The following CELSR1 variants were observed in gnomAD, a reference collection of about 807,000 sequenced individuals.
CELSR1 encodes the protein cadherin EGF LAG seven-pass G-type receptor 1.
In CELSR1, 110 loss-of-function variants were observed where a neutral mutation model predicts 249.1. That is an observed-to-expected ratio of 0.44 (90% CI 0.38 to 0.52). CELSR1 has a LOEUF of 0.52. Among genes scored for constraint, CELSR1 ranks in the 20% least tolerant of loss-of-function variants. The probability of loss-of-function intolerance (pLI) is 0.00; values close to 1 mark genes in which losing one functional copy is unlikely to be tolerated. For missense variants in CELSR1, 4,109 were observed against 4,296.4 expected (o/e 0.96, Z 1.22); for synonymous variants, 2,113 against 1,900.0 (o/e 1.11, Z -2.92).
chr22:46,445,987 C>T lies in CELSR1; in HGVS notation c.4184-6576G>A, dbSNP rs1255121799. Among the ~76,000 whole-genome samples, 3 of 152,206 alleles carry T rather than the reference C, an allele frequency of 2.0e-5. No homozygotes were observed. Among genetic ancestry groups the T allele is most frequent in the Admixed American group, 2.0e-4 (3 of 15,288 alleles). ...TGCTCCTGCCGCACAGCCTCCAGACCTACTTGTCCCTTGCCTCGCGACAGC... is the reference window on the plus strand; with the variant it reads ...TGCTCCTGCCGCACAGCCTCCAGACTTACTTGTCCCTTGCCTCGCGACAGC... On this transcript the variant is annotated intron_variant, in intron 2 of 34. Transcript: ENST00000674500. This position sits in a 1 kb window ranked among gnomAD's most constrained non-coding sequence, Gnocchi z 4.4.
chr22:46,381,733 G>A lies in CELSR1; in HGVS notation c.7088+113C>T. On this transcript the variant is annotated intron_variant, in intron 21 of 34. Transcript: ENST00000674500. The surrounding 1 kb of genome is among the most constrained non-coding windows in gnomAD (Gnocchi z 6.0). Reference sequence around the variant, plus strand: ...TCTCTGTCTCTGGGCCAGGGTCACGGTGAAATGTCACTGTGAAGACCTGTG... The same window carrying A: ...TCTCTGTCTCTGGGCCAGGGTCACGATGAAATGTCACTGTGAAGACCTGTG... 2.0e-6 allele frequency: 2 copies of A among 1,017,242 alleles called. No homozygotes were observed. The highest frequency in any genetic ancestry group is 2.8e-6 in the Non-Finnish European group (2 of 708,486). 63.0% of individuals were successfully genotyped at this position (1,017,242 alleles called of 1,614,324 possible).
At chr22:46,509,108 G>A (rs940276941) in intron 1 of CELSR1, among the ~76,000 whole-genome samples, 2 of 152,206 alleles carry the variant, frequency 1.3e-5, no homozygotes, top group Non-Finnish European at 2.9e-5. Flanking sequence ...CCCCTCCAGT[G>A]CCCAGGGCCT....
intron 1 of CELSR1, among the ~76,000 whole-genome samples, chr22:46,493,415 G>C (rs2080386030): frequency 6.6e-6 from 1 of 150,898 alleles, no homozygotes; most frequent in Admixed American, 6.6e-5. Flanking sequence ...GTGTGGTGGT[G>C]GGCACCTGTA....
rs1480352758 is a variant in CELSR1 at position 46,399,537 on chromosome 22, G to C, written c.5412+180C>G. 6.6e-6 allele frequency among the ~76,000 whole-genome samples: 1 copy of C among 152,228 alleles called. No individual in the cohort carries two copies. The highest frequency in any genetic ancestry group is 6.5e-5 in the Admixed American group (1 of 15,276). On this transcript the variant is annotated intron_variant, in intron 10 of 34. Coordinates refer to ENST00000674500, the MANE Select transcript of CELSR1 (RefSeq NM_001378328.1). This position sits in a 1 kb window ranked among gnomAD's most constrained non-coding sequence, Gnocchi z 5.0. The stretch of plus-strand genomic sequence containing the variant: ...GGCGGGGCATCCGGATGAAGGAGGT[G>C]AGGAAGATGCCAGTGACCTCAGTAC...
At position 46,534,123 on chromosome 22, in the gene CELSR1, C is replaced by A. The variant is rs199661410; in HGVS notation, c.3048G>T (p.Ser1016=). 1 of 1,613,806 alleles carries A rather than the reference C, an allele frequency of 6.2e-7. No individual in the cohort carries two copies. The highest frequency in any genetic ancestry group is 2.2e-5 in the East Asian group (1 of 44,890). The change falls in exon 1 of 35, where the codon TCG becomes TCT. Residue 1016 remains serine (S), a synonymous_variant. Transcript: ENST00000674500. This position sits in a 1 kb window ranked among gnomAD's most constrained non-coding sequence, Gnocchi z 9.7. ...LFVEENNPVG[S]VVAKIRANDP... Reference sequence around the variant, plus strand: ...CGTTAGCACGAATCTTTGCCACCACCGACCCCACTGGGTTGTTCTCCTCAA... The same window carrying A: ...CGTTAGCACGAATCTTTGCCACCACAGACCCCACTGGGTTGTTCTCCTCAA...
In CELSR1 at chr22:46,398,297, G is replaced by A. The variant is rs757652145; in HGVS notation, c.5526+227C>T. 6.6e-6 allele frequency among the ~76,000 whole-genome samples: 1 copy of A among 152,164 alleles called. No homozygotes were observed. The highest frequency in any genetic ancestry group is 2.4e-5 in the African/African-American group (1 of 41,420). On this transcript the variant is annotated intron_variant, in intron 11 of 34. Transcript: ENST00000674500. This position sits in a 1 kb window ranked among gnomAD's most constrained non-coding sequence, Gnocchi z 7.2. ...CAGAGGGGCAGGTGGCTGGCATGGC[G>A]GTGGGGAGCTGTGGGGGCCAGGGAC...
chr22:46,504,686 C>T lies in CELSR1; in HGVS notation c.3544+28941G>A, dbSNP rs2080498177. On this transcript the variant is annotated intron_variant, in intron 1 of 34. Transcript: ENST00000674500. ...GAAAATATGGCAGATTTCATCTTCA[C>T]ACACGGCTGGCTCTAGTATTAATTA... is the stretch of plus-strand genomic sequence containing the variant. 5.9e-5 allele frequency among the ~76,000 whole-genome samples: 9 copies of T among 152,270 alleles called. No homozygotes were observed. The South Asian group carries it at 1.9e-3, about 32-fold the overall frequency.
chr22:46,417,117 C>CTTT lies in CELSR1; in HGVS notation c.4612-5359_4612-5358insAAA, dbSNP rs1354181328. On this transcript the variant is annotated intron_variant, in intron 5 of 34. Transcript: ENST00000674500. The surrounding 1 kb of genome is among the most constrained non-coding windows in gnomAD (Gnocchi z 4.1). ...TACAGAGTCAAACTGCAGCGCTGAA[C>CTTT]GTTCCATGCTGTCATTTCTCAAGAT... is the stretch of plus-strand genomic sequence containing the variant. Among the ~76,000 whole-genome samples, 33 of 152,320 alleles carry CTTT rather than the reference C, an allele frequency of 2.2e-4. No homozygotes were observed. In the East Asian group the frequency reaches 6.4e-3, roughly 29 times the overall value.
At chr22:46,458,085 T>C (rs141888489) in intron 2 of CELSR1, among the ~76,000 whole-genome samples, 3 of 150,306 alleles carry the variant, frequency 2.0e-5, no homozygotes, top group African/African-American at 7.3e-5. Context: ...AACACCACCA[T>C]GGGGGTGAGG....
intron 2 of CELSR1, among the ~76,000 whole-genome samples, chr22:46,444,861 A>G (rs1444218714): frequency 2.6e-5 from 4 of 151,944 alleles, no homozygotes; most frequent in African/African-American, 9.7e-5. Context: ...CATCTCTCCA[A>G]TCTCTGCTCT....
rs755589569 is a variant in CELSR1 at position 46,534,005 on chromosome 22, G to A, written c.3166C>T (p.Leu1056=). The A allele has an allele frequency of 8.1e-6, 13 of 1,613,672 alleles. No individual in the cohort carries two copies. The highest frequency in any genetic ancestry group is 1.1e-5 in the Non-Finnish European group (13 of 1,180,026). ...FFQLDLLNGD[L]RAMVELDFEV... is the part of the protein sequence containing the mutation. ...AAGTCCAGCTCCACCATGGCACGCAGGTCCCCGTTGAGCAGGTCCAGCTGG... is the reference window on the plus strand; with the variant it reads ...AAGTCCAGCTCCACCATGGCACGCAAGTCCCCGTTGAGCAGGTCCAGCTGG... Residue 1056 remains leucine (L), a synonymous_variant, in exon 1 of 35, where the codon CTG becomes TTG. Transcript: ENST00000674500. This position sits in a 1 kb window ranked among gnomAD's most constrained non-coding sequence, Gnocchi z 9.7.
rs1164404879 is a variant in CELSR1 at position 46,440,183 on chromosome 22, A to C, written c.4184-772T>G. Among the ~76,000 whole-genome samples the C allele has an allele frequency of 6.6e-6, 1 of 151,768 alleles. No individual in the cohort carries two copies. Among genetic ancestry groups the C allele is most frequent in the African/African-American group, 2.4e-5 (1 of 41,294 alleles). On this transcript the variant is annotated intron_variant, in intron 2 of 34. Coordinates refer to ENST00000674500, the MANE Select transcript of CELSR1 (RefSeq NM_001378328.1). The surrounding 1 kb of genome is among the most constrained non-coding windows in gnomAD (Gnocchi z 4.7). ...TCAGACCAGGAGTGCTAAGAACCTC[A>C]TCTGCTCGGAGGGTCTCAGTGTTCG...
chr22:46,461,870 T>C (rs754231906), intron 2 of CELSR1, among the ~76,000 whole-genome samples: 55 of 152,226 alleles, frequency 3.6e-4, no homozygotes, highest in Non-Finnish European at 7.1e-4. Flanking sequence ...GAAGGGGCGC[T>C]GACCGTGCTG....
chr22:46,381,033 A>C lies in CELSR1; in HGVS notation c.7089-78T>G, dbSNP rs1456815268. On this transcript the variant is annotated intron_variant, in intron 21 of 34. Coordinates refer to ENST00000674500, the MANE Select transcript of CELSR1 (RefSeq NM_001378328.1). This position sits in a 1 kb window ranked among gnomAD's most constrained non-coding sequence, Gnocchi z 6.0. ...TTAAATCCCGCGCACAAATGCCCTG[A>C]GGACACGCCATGATGTGTTTCTAGG... 1 of 1,437,248 alleles carries C rather than the reference A, an allele frequency of 7.0e-7. No individual in the cohort carries two copies. The highest frequency in any genetic ancestry group is 2.4e-5 in the East Asian group (1 of 41,688). 89.0% of individuals were successfully genotyped at this position (1,437,248 alleles called of 1,614,324 possible).
In CELSR1 at chr22:46,409,631, G is replaced by C. The variant is rs1602094888; in HGVS notation, c.5059+124C>G. 4 of 1,169,988 alleles carry C rather than the reference G, an allele frequency of 3.4e-6. No individual in the cohort carries two copies. In the East Asian group the frequency reaches 9.5e-5, roughly 28 times the overall value. The allele number at this position is 1,169,988 out of a possible 1,614,324, so 72.5% of individuals were successfully genotyped here. ...GCGGTGTGAGTCCACAGTAAATGCA[G>C]CATATACCACCAGAGGCTGCCGGAC... is the stretch of plus-strand genomic sequence containing the variant. On this transcript the variant is annotated intron_variant, in intron 8 of 34. Transcript: ENST00000674500. The surrounding 1 kb of genome is among the most constrained non-coding windows in gnomAD (Gnocchi z 9.8).
intron 1 of CELSR1, among the ~76,000 whole-genome samples, chr22:46,491,337 C>A (rs2080365495): frequency 6.7e-6 from 1 of 148,808 alleles, no homozygotes; most frequent in African/African-American, 2.5e-5. Flanking sequence ...AATCTCAGCT[C>A]ACTGCAAGCT....
At chr22:46,521,958 T>C (rs565153369) in intron 1 of CELSR1, among the ~76,000 whole-genome samples, 9 of 152,324 alleles carry the variant, frequency 5.9e-5, no homozygotes, top group African/African-American at 1.9e-4. Context: ...CATTTTACAC[T>C]CCACCAACAG....
chr22:46,371,931 G>T (rs1014424515), intron 25 of CELSR1, among the ~76,000 whole-genome samples: 1 of 130,432 alleles, frequency 7.7e-6, no homozygotes, highest in Non-Finnish European at 1.6e-5. Flanking sequence ...CCACCCATCT[G>T]CTCACTCACT....
intron 2 of CELSR1, among the ~76,000 whole-genome samples, chr22:46,451,840 T>G (rs2079888839): frequency 6.6e-6 from 1 of 152,158 alleles, no homozygotes; most frequent in South Asian, 2.1e-4. Context: ...AAGTTAAGGA[T>G]CTTGAGATGA....
Sources: allele counts gnomAD v4.1 joint callset (sites outside exome capture counted in the v4.1 genomes callset), GRCh38; gene constraint gnomAD v4.1.1; non-coding constraint Gnocchi (gnomAD v3.1); transcripts MANE v1.5; gene names NCBI Gene and HGNC (gene_info 2026-07-23, HGNC 2026-07-21).